Variants in CASP1 observed in about 807,000 individuals in gnomAD.
CASP1 encodes caspase 1.
In CASP1, 31 loss-of-function variants were observed where a neutral mutation model predicts 41.2. The ratio of observed to expected loss-of-function variants is 0.75; its 90% confidence interval spans 0.57 to 1.02. The LOEUF (loss-of-function observed/expected upper bound fraction) is 1.02, where lower values mean the gene tolerates loss of function less well. Ranked by LOEUF, CASP1 falls within the 50% of genes least tolerant of loss-of-function variation. The pLI is 0.00. For missense variants in CASP1, 490 were observed against 495.7 expected (o/e 0.99, Z 0.11); for synonymous variants, 163 against 166.5 (o/e 0.98, Z 0.16).
At chr11:105,029,305 G>T in intron 6 of CASP1, 38 bp from the exon 7 acceptor site, 1 of 1,581,220 alleles carries the variant, frequency 6.3e-7, no homozygotes, top group South Asian at 1.1e-5. Flanking sequence ...TACTACCAAT[G>T]GCTGAGAAGA....
chr11:105,027,156 C>G (rs1417194529), intron 7 of CASP1: 1 of 625,006 alleles, frequency 1.6e-6, no homozygotes, highest in African/African-American at 1.8e-5. Context: ...GTATTACTGA[C>G]TGTGATTTAA....
chr11:105,026,550 C>G lies in CASP1; in HGVS notation c.1117-194G>C, dbSNP rs549371176. 1.2e-4 allele frequency: 74 copies of G among 600,116 alleles called. 1 individual carries two copies. In the Admixed American group the frequency reaches 2.2e-3, roughly 17 times the overall value. The allele number at this position is 600,116 out of a possible 1,614,324, so 37.2% of individuals were successfully genotyped here. On this transcript the variant is annotated intron_variant, in intron 8 of 8. Transcript: ENST00000533400. ...TGACCCTCCTCAGGGCATTTTAAAT[C>G]TGCTGCTGGATCTAATAGCCATGAG...
chr11:105,034,981 C>T (rs1003017083), intron 1 of CASP1, 126 bp downstream of exon 1: 2 of 1,222,628 alleles, frequency 1.6e-6, no homozygotes, highest in East Asian at 2.3e-5. Context: ...TCCTCCCTCT[C>T]CCCCCTTTTC....
rs1030579352 is a variant in CASP1, at chr11:105,031,177, T to G, written c.441A>C (p.Gln147His). The G allele has an allele frequency of 6.2e-7, 1 of 1,608,000 alleles. No individual in the cohort carries two copies. Among genetic ancestry groups the G allele is most frequent in the Non-Finnish European group, 8.5e-7 (1 of 1,174,902 alleles). ...CTGAGCATGGCACCTCTGCCGACTT[T>G]TGTTTCCATATCCTTTGAGCTTCTT... is the stretch of plus-strand genomic sequence containing the variant. The part of the protein sequence containing the change: ...SLEEAQRIWK[Q>H]KSAEIYPIMD... The change falls in exon 4 of 9, where the codon CAA (glutamine) becomes CAC (histidine). Residue 147 changes from glutamine (Q) to histidine (H), a missense_variant. Transcript: ENST00000533400.
In CASP1 at chr11:105,035,108, G is replaced by C. The variant is rs777006645; in HGVS notation, c.6C>G (p.Ala2=). The change falls in exon 1 of 9, where the codon GCC becomes GCG. Residue 2 remains alanine, a splice_region_variant and synonymous_variant. Transcript: ENST00000533400. ...TTCTTGGAACAGTAAAAGACTCACC[G>C]GCCATGGCTTTTCTCTCCTCCCTTC... M[A]DKVLKEKRKL... The C allele has an allele frequency of 1.9e-6, 3 of 1,613,340 alleles. No homozygotes were observed. The highest frequency in any genetic ancestry group is 1.7e-5 in the Admixed American group (1 of 59,986).
intron 3 of CASP1, among the ~76,000 whole-genome samples, chr11:105,032,387 A>C (rs1464946614): frequency 3.3e-5 from 5 of 152,184 alleles, no homozygotes; most frequent in African/African-American, 4.8e-5. Flanking sequence ...TGAATATCCC[A>C]TGCTGTGAAA....
intron 3 of CASP1, among the ~76,000 whole-genome samples, chr11:105,032,481 G>A (rs1863758703): frequency 6.6e-6 from 1 of 152,056 alleles, no homozygotes; most frequent in South Asian, 2.1e-4. Context: ...TGCATTCCTA[G>A]CCTCTACATT....
chr11:105,030,020 C>CA (rs201469280), intron 5 of CASP1, 121 bp from the exon 6 acceptor site: 157 of 780,698 alleles, frequency 2.0e-4, no homozygotes, highest in African/African-American at 1.4e-3. Context: ...AACAGGGTGC[C>CA]AAAAAAAAAT....
Position 105,026,873 on chromosome 11 carries a change from C to A in CASP1, c.1085G>T (p.Cys362Phe). ...RLIEHMQEYA[C>F]SCDVEEIFRK... is the part of the protein sequence containing the mutation. The stretch of plus-strand genomic sequence containing the variant: ...GAAAATTTCCTCCACATCACAGGAA[C>A]AGGCATATTCTTGCATATGTTCAAT... Residue 362 changes from cysteine (C) to phenylalanine (F), a missense_variant, in exon 8 of 9, where the codon TGT becomes TTT. Physicochemically the swap from Cys to Phe is radical, Grantham distance 205 (BLOSUM62 -2). Transcript: ENST00000533400. 1 of 1,607,944 alleles carries A rather than the reference C, an allele frequency of 6.2e-7. No individual in the cohort carries two copies. The highest frequency in any genetic ancestry group is 8.5e-7 in the Non-Finnish European group (1 of 1,174,564).
chr11:105,031,538 A>C (rs1863698421), intron 3 of CASP1, among the ~76,000 whole-genome samples: 1 of 152,208 alleles, frequency 6.6e-6, no homozygotes, highest in African/African-American at 2.4e-5. Flanking sequence ...TTTAGATACT[A>C]ACATAGAAAG....
At chr11:105,027,072 G>C in intron 7 of CASP1, 121 bp from the exon 8 acceptor site, 1 of 717,402 alleles carries the variant, frequency 1.4e-6, no homozygotes, top group Non-Finnish European at 2.5e-6. Flanking sequence ...AGCAAATAAG[G>C]AAAAGGCGGA....
At chr11:105,035,262 T>C, upstream of CASP1, 1 of 1,092,222 alleles carries the variant, frequency 9.2e-7, no homozygotes, top group Non-Finnish European at 1.4e-6. Flanking sequence ...ATCAGAACTG[T>C]AGCCTGCATC....
chr11:105,027,052 T>C, intron 7 of CASP1, 101 bp from the exon 8 acceptor site: 1 of 758,002 alleles, frequency 1.3e-6, no homozygotes, highest in Admixed American at 1.9e-5. Flanking sequence ...TTTGAAATCA[T>C]AAATTTAGTA....
At position 105,026,391 on chromosome 11, in the gene CASP1, T is replaced by C. The variant is rs564510759; in HGVS notation, c.1117-35A>G. On this transcript the variant is annotated intron_variant, in intron 8 of 8. Coordinates refer to ENST00000533400, the MANE Select transcript of CASP1 (RefSeq NM_001257118.3). The stretch of plus-strand genomic sequence containing the variant: ...TAAGGAAAGTCTGTAGCCCTTTTTT[T>C]TGCTGAGTTTTTTTTTTCAAGAATT... 78 of 1,399,346 alleles carry C rather than the reference T, an allele frequency of 5.6e-5. No individual in the cohort carries two copies. In the South Asian group the frequency reaches 5.9e-4, roughly 11 times the overall value. 86.7% of individuals were successfully genotyped at this position (1,399,346 alleles called of 1,614,324 possible).
rs774536515 is a variant in CASP1 at position 105,033,146 on chromosome 11, ATTGAAGTAGTCAC to A, written c.275-33_275-21del. On this transcript the variant is annotated intron_variant, in intron 2 of 8. Transcript: ENST00000533400. ...TTTGATCTATGAAAAGATAAAGGGT[ATTGAAGTAGTCAC>A]TTATCATCTCTGGAAAACTTTACCC... 1 of 1,435,794 alleles carries A rather than the reference ATTGAAGTAGTCAC, an allele frequency of 7.0e-7. No individual in the cohort carries two copies. The highest frequency in any genetic ancestry group is 9.8e-7 in the Non-Finnish European group (1 of 1,024,910). 88.9% of individuals were successfully genotyped at this position (1,435,794 alleles called of 1,614,324 possible). A position where few individuals can be genotyped will look rare whatever the true frequency, so the allele number is the denominator to read the frequency against.
At position 105,034,517 on chromosome 11, in the gene CASP1, C is replaced by T. The variant is rs530319285; in HGVS notation, c.8-43G>A. ...ATTTCTCACATCATGAAAACAGCCT[C>T]ATATTCCTCTCATGTAATCAACAGA... On this transcript the variant is annotated intron_variant, in intron 1 of 8. Transcript: ENST00000533400. The T allele has an allele frequency of 1.2e-4, 190 of 1,610,434 alleles. 1 individual carries two copies. The South Asian group carries it at 2.0e-3, about 17-fold the overall frequency.
At chr11:105,026,595 T>C in intron 8 of CASP1, 2 of 600,596 alleles carry the variant, frequency 3.3e-6, no homozygotes, top group African/African-American at 1.9e-5. Context: ...TAAATTAGAG[T>C]CCATTCATTT....
chr11:105,036,454 T>A (rs760494924), upstream of CASP1, among the ~76,000 whole-genome samples: 1 of 152,208 alleles, frequency 6.6e-6, no homozygotes. Flanking sequence ...TGAATTGTAA[T>A]AATCCTCATG....
chr11:105,032,386 C>A (rs1400547332), intron 3 of CASP1, among the ~76,000 whole-genome samples: 1 of 152,008 alleles, frequency 6.6e-6, no homozygotes, highest in African/African-American at 2.4e-5. Flanking sequence ...TTGAATATCC[C>A]ATGCTGTGAA....
Sources: allele counts gnomAD v4.1 joint callset (sites outside exome capture counted in the v4.1 genomes callset), GRCh38; gene constraint gnomAD v4.1.1; transcripts MANE v1.5; gene names NCBI Gene and HGNC (gene_info 2026-07-23, HGNC 2026-07-21).